The following SEC11A variants were observed in gnomAD, a reference collection of about 807,000 sequenced individuals.
The protein encoded by SEC11A is SEC11 homolog A, signal peptidase complex subunit.
A neutral mutation model predicts 25.6 loss-of-function variants in SEC11A; 14 were observed. That is an observed-to-expected ratio of 0.55 (90% CI 0.36 to 0.85). The LOEUF (loss-of-function observed/expected upper bound fraction) is 0.85. Ranked by LOEUF, SEC11A falls within the 40% of genes least tolerant of loss-of-function variation. The pLI, the probability that SEC11A is intolerant of heterozygous loss-of-function variation, is 0.01. For synonymous variants in SEC11A, 83 were observed against 76.4 expected (o/e 1.09, Z -0.45); for missense variants, 153 against 222.9 (o/e 0.69, Z 2.00).
chr15:84,706,998 T>C (rs543438479), intron 1 of SEC11A, among the ~76,000 whole-genome samples: 1 of 152,236 alleles, frequency 6.6e-6, no homozygotes, highest in East Asian at 1.9e-4. Flanking sequence ...GATCCTTCCA[T>C]CTGCTCTCCT....
At chr15:84,686,215 A>G (rs893196061) in intron 3 of SEC11A, among the ~76,000 whole-genome samples, 6 of 152,386 alleles carry the variant, frequency 3.9e-5, no homozygotes, top group African/African-American at 1.4e-4. Flanking sequence ...AAAAAAAATA[A>G]GCAGTCATAT....
At chr15:84,710,836 G>A (rs1898239032) in intron 1 of SEC11A, among the ~76,000 whole-genome samples, 1 of 152,040 alleles carries the variant, frequency 6.6e-6, no homozygotes, top group Non-Finnish European at 1.5e-5. Flanking sequence ...ATCTTTGGGA[G>A]GCCGAGGTGG....
chr15:84,689,043 A>G lies in SEC11A; in HGVS notation c.162-1269T>C, dbSNP rs576255452. On this transcript the variant is annotated intron_variant, in intron 2 of 5. Transcript: ENST00000268220. ...AGACTCTGTCTCAAAAAAAAAAAAA[A>G]AAGAAGAAGAAGAAAAGAAAAAAAA... Among the ~76,000 whole-genome samples the G allele has an allele frequency of 7.5e-4, 113 of 150,682 alleles. 1 individual carries two copies. The highest frequency in any genetic ancestry group is 2.5e-3 in the East Asian group (13 of 5,158).
chr15:84,700,996 A>C (rs1029288804), intron 1 of SEC11A, among the ~76,000 whole-genome samples: 1 of 151,042 alleles, frequency 6.6e-6, no homozygotes, highest in Admixed American at 6.6e-5. Flanking sequence ...AAAAAAAAAA[A>C]AAAAAAAAAA....
In SEC11A at chr15:84,670,631, C is replaced by T. The variant is rs545748351; in HGVS notation, c.489+94G>A. On this transcript the variant is annotated intron_variant, in intron 5 of 5. Coordinates refer to ENST00000268220, the MANE Select transcript of SEC11A (RefSeq NM_014300.4). The stretch of plus-strand genomic sequence containing the variant: ...CTGGGCTCAAGCGATCCACTCACCT[C>T]GGCCTCCCAGAGTGCTGGGATTACA... 2,592 of 624,146 alleles carry T rather than the reference C, an allele frequency of 4.2e-3. 9 individuals carry two copies. Among genetic ancestry groups the T allele is most frequent in the Non-Finnish European group, 5.6e-3 (1,991 of 356,054 alleles). 38.7% of individuals were successfully genotyped at this position (624,146 alleles called of 1,614,324 possible). A position where few individuals can be genotyped will look rare whatever the true frequency, so the allele number is the denominator to read the frequency against.
At chr15:84,675,734 A>G (rs1214683679) in intron 4 of SEC11A, among the ~76,000 whole-genome samples, 1 of 152,122 alleles carries the variant, frequency 6.6e-6, no homozygotes, top group Non-Finnish European at 1.5e-5. Context: ...TTCTTAACTA[A>G]TGGGTGCTCT....
Position 84,691,537 on chromosome 15 carries a change from G to C in SEC11A, c.159C>G (p.Leu53=). The C allele has an allele frequency of 6.3e-7, 1 of 1,579,488 alleles. No homozygotes were observed. The highest frequency in any genetic ancestry group is 8.7e-7 in the Non-Finnish European group (1 of 1,150,470). The change falls in exon 2 of 6, where the codon CTC becomes CTG. Residue 53 remains leucine, a splice_region_variant and synonymous_variant. Coordinates refer to ENST00000268220, the MANE Select transcript of SEC11A (RefSeq NM_014300.4). ...GCCTTGAAAGGAAAAACTGTTACCTGAGCACCACTACAATCGGACTTTCAC... is the reference window on the plus strand; with the variant it reads ...GCCTTGAAAGGAAAAACTGTTACCTCAGCACCACTACAATCGGACTTTCAC... ...TGSESPIVVV[L]SGSMEPAFHR...
rs73451210 is a variant in SEC11A, at chr15:84,705,149, T to C, written c.51+10876A>G. Among the ~76,000 whole-genome samples the C allele has an allele frequency of 9.3e-3, 1,409 of 152,272 alleles. 22 individuals are homozygous for C. Among genetic ancestry groups the C allele is most frequent in the African/African-American group, 0.033 (1,352 of 41,564 alleles). On this transcript the variant is annotated intron_variant, in intron 1 of 5. Transcript: ENST00000268220. ...TATATTGCCCAGGCTGGTCTTGAAC[T>C]CCTGGCCTCAAGTGATCCTCCTGTC...
Position 84,691,657 on chromosome 15 carries a change from A to C in SEC11A, c.52-13T>G. ...CTTGATAATAGAGCTGCAAGAACAA[A>C]ACAGAAGAGATCAGATCCACCATTA... On this transcript the variant is annotated splice_polypyrimidine_tract_variant and intron_variant, in intron 1 of 5. Coordinates refer to ENST00000268220, the MANE Select transcript of SEC11A (RefSeq NM_014300.4). 1 of 1,458,996 alleles carries C rather than the reference A, an allele frequency of 6.9e-7. No individual in the cohort carries two copies. The highest frequency in any genetic ancestry group is 1.4e-5 in the African/African-American group (1 of 71,794). 90.4% of individuals were successfully genotyped at this position (1,458,996 alleles called of 1,614,324 possible).
chr15:84,705,875 T>A (rs1404744069), intron 1 of SEC11A, among the ~76,000 whole-genome samples: 1 of 151,492 alleles, frequency 6.6e-6, no homozygotes, highest in Non-Finnish European at 1.5e-5. Context: ...ATGCTTCCCA[T>A]CCTTACAACT....
Position 84,716,031 on chromosome 15 carries a change from C to A in SEC11A, c.45G>T (p.Lys15Asn), listed in dbSNP as rs779293363. The A allele has an allele frequency of 6.2e-7, 1 of 1,613,482 alleles. No homozygotes were observed. The highest frequency in any genetic ancestry group is 1.3e-5 in the African/African-American group (1 of 74,936). ...AGAGGACGGACAAGCTCACCTGCCG[C>A]TTGTTCATCCGCCGCACATCGTCCA... The part of the protein sequence containing the change: ...DFLDDVRRMN[K>N]RQLYYQVLNF... Residue 15 changes from lysine (K) to asparagine (N), a missense_variant, in exon 1 of 6, where the codon AAG becomes AAT. By Grantham distance (94) the Lys-to-Asn change is moderately conservative. Coordinates refer to ENST00000268220, the MANE Select transcript of SEC11A (RefSeq NM_014300.4).
intron 1 of SEC11A, among the ~76,000 whole-genome samples, chr15:84,706,481 C>G (rs1295617164): frequency 2.0e-5 from 3 of 152,070 alleles, no homozygotes; most frequent in African/African-American, 7.2e-5. Context: ...AGTGAAAACT[C>G]CAACAACCCA....
In SEC11A at chr15:84,708,205, CAAAAAAA is replaced by C. The variant is rs71132699; in HGVS notation, c.51+7813_51+7819del. On this transcript the variant is annotated intron_variant, in intron 1 of 5. Transcript: ENST00000268220. ...TGGGTGACAGAGTGAGGCTCTGTCT[CAAAAAAA>C]AAAAAAAAAAAAAAAAAAAGAATAT... Among the ~76,000 whole-genome samples the C allele has an allele frequency of 1.8e-3, 63 of 35,426 alleles. No individual in the cohort carries two copies. In the East Asian group the frequency reaches 0.045, roughly 25 times the overall value. The allele number at this position is 35,426 out of a possible 152,430, so 23.2% of individuals were successfully genotyped here. A position where few individuals can be genotyped will look rare whatever the true frequency, so the allele number is the denominator to read the frequency against.
chr15:84,699,332 A>C (rs1897857841), intron 1 of SEC11A, among the ~76,000 whole-genome samples: 1 of 151,872 alleles, frequency 6.6e-6, no homozygotes, highest in South Asian at 2.1e-4. Context: ...AAAAAAAAAA[A>C]AAACCAGGAA....
At chr15:84,673,597 C>T (rs1003457114) in intron 4 of SEC11A, 43 of 152,872 alleles carry the variant, frequency 2.8e-4, no homozygotes, top group Admixed American at 1.3e-4. Context: ...CTGTCACAAC[C>T]GCTTGATGGC....
At position 84,680,747 on chromosome 15, in the gene SEC11A, G is replaced by C. The variant is rs773755566; in HGVS notation, c.397C>G (p.Leu133Val). Residue 133 changes from leucine (L) to valine (V), a missense_variant, in exon 4 of 6, where the codon CTA becomes GTA. Physicochemically the swap from Leu to Val is conservative, Grantham distance 32. Coordinates refer to ENST00000268220, the MANE Select transcript of SEC11A (RefSeq NM_014300.4). ...CTCCCCACAACATCTTTTTTCTCTA[G>C]CCAATGTTGTCCTTGTTTATAGAGG... The part of the protein sequence containing the change: ...RGLYKQGQHW[L>V]EKKDVVGRAR... 152 of 1,611,974 alleles carry C rather than the reference G, an allele frequency of 9.4e-5. No homozygotes were observed. Among genetic ancestry groups the C allele is most frequent in the Middle Eastern group, 1.6e-4 (1 of 6,070 alleles).
chr15:84,698,937 C>T lies in SEC11A; in HGVS notation c.52-7293G>A, dbSNP rs142154052. Reference sequence around the variant, plus strand: ...ACAGATACTCAACCCGTACATAAATCGTAGTATTTCCACAAAATGGAATAC... The same window carrying T: ...ACAGATACTCAACCCGTACATAAATTGTAGTATTTCCACAAAATGGAATAC... On this transcript the variant is annotated intron_variant, in intron 1 of 5. Coordinates refer to ENST00000268220, the MANE Select transcript of SEC11A (RefSeq NM_014300.4). Among the ~76,000 whole-genome samples, 873 of 152,292 alleles carry T rather than the reference C, an allele frequency of 5.7e-3. 3 individuals are homozygous for T. The highest frequency in any genetic ancestry group is 0.019 in the African/African-American group (808 of 41,566).
At chr15:84,676,409 T>A (rs558922121) in intron 4 of SEC11A, among the ~76,000 whole-genome samples, 5 of 150,920 alleles carry the variant, frequency 3.3e-5, no homozygotes, top group Admixed American at 2.0e-4. Flanking sequence ...GGGGTTGCCG[T>A]GATCATGCTG....
At chr15:84,715,793 C>A (rs528431529) in intron 1 of SEC11A, among the ~76,000 whole-genome samples, 1 of 152,302 alleles carries the variant, frequency 6.6e-6, no homozygotes, top group East Asian at 1.9e-4. Context: ...AGGAATGGAA[C>A]GTGAAGACAC....
Sources: allele counts gnomAD v4.1 joint callset (sites outside exome capture counted in the v4.1 genomes callset), GRCh38; gene constraint gnomAD v4.1.1; transcripts MANE v1.5; gene names NCBI Gene and HGNC (gene_info 2026-07-23, HGNC 2026-07-21).